The following ARAP2 variants were observed in gnomAD, a reference collection of about 807,000 sequenced individuals.
ARAP2 encodes the protein arf-GAP with Rho-GAP domain, ANK repeat and PH domain-containing protein 2.
Under a neutral mutation model 194.5 loss-of-function variants are expected in ARAP2, and 148 were observed. That is an observed-to-expected ratio of 0.76 (90% CI 0.67 to 0.87). The LOEUF is 0.87. Ranked by LOEUF, ARAP2 falls within the 40% of genes least tolerant of loss-of-function variation. The pLI is 0.00. For synonymous variants in ARAP2, 695 were observed against 683.5 expected, an observed-to-expected ratio of 1.02 and a Z score of -0.26; for missense variants, 2,128 against 1,989.7, an observed-to-expected ratio of 1.07 and a Z score of -1.32.
At chr4:36,118,283 A>T (rs1443111901) in intron 24 of ARAP2, among the ~76,000 whole-genome samples, 3 of 136,966 alleles carry the variant, frequency 2.2e-5, no homozygotes, top group African/African-American at 7.4e-5. Context: ...TTTAAAACTT[A>T]AAAAGTTAAA....
chr4:36,164,632 A>G (rs1245099821), intron 11 of ARAP2, among the ~76,000 whole-genome samples: 1 of 152,214 alleles, frequency 6.6e-6, no homozygotes, highest in Non-Finnish European at 1.5e-5. Context: ...ATACTAAAAC[A>G]TACTCACCTA....
rs1411651106 is a variant in ARAP2 at position 36,214,419 on chromosome 4, C to A, written c.964+3G>T. The A allele has an allele frequency of 6.3e-7, 1 of 1,595,170 alleles. No individual in the cohort carries two copies. The highest frequency in any genetic ancestry group is 2.3e-5 in the East Asian group (1 of 43,994). On this transcript the variant is annotated splice_donor_region_variant and intron_variant, in intron 3 of 32. Transcript: ENST00000303965. The stretch of plus-strand genomic sequence containing the variant: ...TAAGGAGACATTAAACACATAGACT[C>A]ACTTTGCCATGCCACAGATTTTTCA...
intron 1 of ARAP2, among the ~76,000 whole-genome samples, chr4:36,233,945 G>A (rs1227608283): frequency 3.9e-5 from 6 of 152,150 alleles, no homozygotes; most frequent in East Asian, 1.9e-4. Context: ...GTCCTAGTCC[G>A]TTCAGACTGA....
intron 5 of ARAP2, among the ~76,000 whole-genome samples, chr4:36,030,330 T>G (rs945325793): frequency 6.6e-6 from 1 of 152,140 alleles, no homozygotes; most frequent in African/African-American, 2.4e-5. Context: ...TGTATTTTAT[T>G]GGTGTCCTAG....
At chr4:36,126,290 A>C (rs4833118) in intron 21 of ARAP2, among the ~76,000 whole-genome samples, 45,763 of 151,904 alleles carry the variant, frequency 0.3, 8,155 homozygotes, top group East Asian at 0.47. Context: ...AAAATTTAAC[A>C]CTACTACGCT....
chr4:36,015,918 C>T (rs1190223955), exon 7 of ARAP2: 1 of 152,096 alleles, frequency 6.6e-6, no homozygotes, highest in Non-Finnish European at 1.5e-5. Flanking sequence ...TAAATATGCA[C>T]ATATCCTCCA....
intron 27 of ARAP2, among the ~76,000 whole-genome samples, chr4:36,102,060 T>A (rs1016766726): frequency 6.6e-6 from 1 of 152,070 alleles, no homozygotes. Context: ...AATGCTTGTG[T>A]TGTATCTCTG....
intron 3 of ARAP2, among the ~76,000 whole-genome samples, chr4:36,048,464 T>C (rs1420321624): frequency 6.6e-6 from 1 of 152,160 alleles, no homozygotes; most frequent in Non-Finnish European, 1.5e-5. Flanking sequence ...GAACATGTGG[T>C]ATTTGGTCTT....
intron 1 of ARAP2, among the ~76,000 whole-genome samples, chr4:36,230,451 T>C (rs1466465445): frequency 6.6e-6 from 1 of 152,208 alleles, no homozygotes; most frequent in Non-Finnish European, 1.5e-5. Context: ...ATATACAAGA[T>C]ATGACACTGA....
At chr4:36,131,437 T>C (rs1725431753) in intron 20 of ARAP2, among the ~76,000 whole-genome samples, 1 of 151,064 alleles carries the variant, frequency 6.6e-6, no homozygotes, top group East Asian at 1.9e-4. Flanking sequence ...TGAATATATG[T>C]ATGTACACAT....
At chr4:36,131,883 T>C (rs538226727) in intron 20 of ARAP2, among the ~76,000 whole-genome samples, 1 of 151,864 alleles carries the variant, frequency 6.6e-6, no homozygotes, top group East Asian at 1.9e-4. Flanking sequence ...AAACAGATGG[T>C]TATAGCTAAT....
chr4:36,068,223 G>A lies in ARAP2; in HGVS notation c.4799C>T (p.Ser1600Phe). 2.5e-6 allele frequency: 4 copies of A among 1,607,496 alleles called. No individual in the cohort carries two copies. Among genetic ancestry groups the A allele is most frequent in the Non-Finnish European group, 3.4e-6 (4 of 1,177,660 alleles). ...TCTCTCCTTTAAGCTAGAGTCCACGGACTCTTTATCACACTTTTCACTGAG... is the reference window on the plus strand; with the variant it reads ...TCTCTCCTTTAAGCTAGAGTCCACGAACTCTTTATCACACTTTTCACTGAG... Reference protein sequence around the residue: ...LRLSEKCDKESVDSSLKERAS... With the variant: ...LRLSEKCDKEFVDSSLKERAS... Residue 1600 changes from serine (S) to phenylalanine (F), a missense_variant, in exon 33 of 33, where the codon TCC (serine) becomes TTC (phenylalanine). Physicochemically the swap from Ser to Phe is radical, Grantham distance 155. Transcript: ENST00000303965.
chr4:36,082,972 C>A (rs1163291871), intron 29 of ARAP2, among the ~76,000 whole-genome samples: 2 of 152,110 alleles, frequency 1.3e-5, no homozygotes, highest in Non-Finnish European at 2.9e-5. Context: ...AGAAGCCAAG[C>A]ATCAGGAAGC....
At chr4:36,113,544 C>A (rs1353163921) in intron 26 of ARAP2, among the ~76,000 whole-genome samples, 1 of 151,878 alleles carries the variant, frequency 6.6e-6, no homozygotes, top group Non-Finnish European at 1.5e-5. Flanking sequence ...TGTCCCAAGA[C>A]CTTAGTAGGT....
rs1257711787 is a variant in ARAP2, at chr4:36,076,386, T to A, written c.4609-2563A>T. ...ATGTATGCAAGTACACACTCCCCCA[T>A]CTTAAAGATAAATCAAAACCCCCAA... On this transcript the variant is annotated intron_variant, in intron 31 of 32. Coordinates refer to ENST00000303965, the MANE Select transcript of ARAP2 (RefSeq NM_015230.4). Among the ~76,000 whole-genome samples, 3 of 152,038 alleles carry A rather than the reference T, an allele frequency of 2.0e-5. No individual in the cohort carries two copies. The East Asian group carries it at 5.8e-4, about 29-fold the overall frequency.
intron 13 of ARAP2, 152 bp downstream of exon 13, chr4:36,160,307 G>C: frequency 8.1e-7 from 1 of 1,235,718 alleles, no homozygotes; most frequent in Non-Finnish European, 1.0e-6. Context: ...TGAAACAAGG[G>C]GGAAACCACT....
chr4:36,053,321 T>TA (rs1385017627), intron 2 of ARAP2, among the ~76,000 whole-genome samples: 5,291 of 144,438 alleles, frequency 0.037, 283 homozygotes, highest in African/African-American at 0.12. Flanking sequence ...CAGTTTTTTA[T>TA]AAAAAAAAAA....
At chr4:36,041,769 A>T (rs1720908650) in intron 5 of ARAP2, among the ~76,000 whole-genome samples, 1 of 152,234 alleles carries the variant, frequency 6.6e-6, no homozygotes, top group African/African-American at 2.4e-5. Context: ...ATATGGAGTC[A>T]ACCTAAATGC....
intron 15 of ARAP2, among the ~76,000 whole-genome samples, chr4:36,156,435 GAA>G (rs1560550005): frequency 5.4e-5 from 3 of 55,546 alleles, no homozygotes; most frequent in Admixed American, 1.8e-4. Flanking sequence ...AAGAAAGAAA[GAA>G]AGAAAGAGAA....
Sources: gnomAD v4.1 joint callset for allele counts (sites outside exome capture counted in the v4.1 genomes callset) on GRCh38, gnomAD v4.1.1 for gene constraint, MANE v1.5 for transcripts, NCBI Gene and HGNC (gene_info 2026-07-23, HGNC 2026-07-21) for gene names.